ACYP1: variants seen among roughly 807,000 people sequenced by gnomAD.
ACYP1 encodes the protein acylphosphatase-1.
Under a neutral mutation model 10.4 loss-of-function variants are expected in ACYP1, and 8 were observed. The observed-to-expected ratio is 0.77, with a 90% CI of 0.45 to 1.38. ACYP1 has a LOEUF of 1.38. ACYP1 is among the 40% of genes most tolerant of loss of function. The pLI, the probability that ACYP1 is intolerant of heterozygous loss-of-function variation, is 0.00. For synonymous variants in ACYP1, 38 were observed against 40.8 expected, an observed-to-expected ratio of 0.93 and a Z score of 0.26; for missense variants, 93 against 117.3, an observed-to-expected ratio of 0.79 and a Z score of 0.96.
intron 2 of ACYP1, among the ~76,000 whole-genome samples, chr14:75,062,659 CAAAAAA>C (rs534860020): frequency 2.3e-4 from 24 of 103,386 alleles, no homozygotes; most frequent in East Asian, 3.4e-4. Context: ...ACTAAAAATA[CAAAAAA>C]AAAAAAAAAA....
intron 2 of ACYP1, among the ~76,000 whole-genome samples, chr14:75,061,506 A>T (rs1226718714): frequency 3.3e-5 from 5 of 152,236 alleles, no homozygotes; most frequent in Non-Finnish European, 4.4e-5. Context: ...GTCATTTTAT[A>T]TGCAGTTTTC....
upstream of ACYP1, among the ~76,000 whole-genome samples, chr14:75,065,621 A>G (rs1371144076): frequency 6.6e-6 from 1 of 152,228 alleles, no homozygotes; most frequent in Non-Finnish European, 1.5e-5. Flanking sequence ...GCCCTCAAAG[A>G]GTTTTTAATT....
chr14:75,069,247 G>A (rs1416211740), exon 1 of ACYP1: 3 of 1,497,504 alleles, frequency 2.0e-6, no homozygotes, highest in Non-Finnish European at 2.6e-6. Context: ...CGCGGAGAAA[G>A]GCCAGCAGCA....
chr14:75,067,706 T>A (rs1406717140), upstream of ACYP1, among the ~76,000 whole-genome samples: 1 of 152,062 alleles, frequency 6.6e-6, no homozygotes, highest in Non-Finnish European at 1.5e-5. Context: ...GTTAACAAGA[T>A]GCAGACAGGG....
intron 2 of ACYP1, among the ~76,000 whole-genome samples, chr14:75,054,635 C>T (rs1259717044): frequency 6.6e-6 from 1 of 151,216 alleles, no homozygotes; most frequent in Non-Finnish European, 1.5e-5. Flanking sequence ...TGGAGTTGGC[C>T]AAAGAAAACG....
intron 1 of ACYP1, 103 bp from the exon 2 acceptor site, chr14:75,063,664 T>C: frequency 1.1e-6 from 1 of 915,166 alleles, no homozygotes; most frequent in Non-Finnish European, 1.7e-6. Flanking sequence ...CCTTAACCAT[T>C]GCGACCTCTC....
At chr14:75,057,964 CAAAAAAA>C (rs769312151) in intron 2 of ACYP1, among the ~76,000 whole-genome samples, 1 of 38,804 alleles carries the variant, frequency 2.6e-5, no homozygotes, top group African/African-American at 1.1e-4. Context: ...GACTCTGTCT[CAAAAAAA>C]AAAAAAAAAA....
intron 2 of ACYP1, among the ~76,000 whole-genome samples, chr14:75,062,430 A>G (rs932392394): frequency 6.6e-6 from 1 of 151,850 alleles, no homozygotes; most frequent in African/African-American, 2.4e-5. Context: ...GGAAAGAGGT[A>G]TTGACAATTC....
chr14:75,053,741 C>T (rs777653127), intron 2 of ACYP1, 82 bp from the exon 3 acceptor site: 9 of 1,363,890 alleles, frequency 6.6e-6, no homozygotes, highest in Non-Finnish European at 9.3e-6. Context: ...AGAATCTTGG[C>T]CTAGAATCAA....
chr14:75,067,720 C>T (rs955320080), upstream of ACYP1, among the ~76,000 whole-genome samples: 48 of 152,138 alleles, frequency 3.2e-4, no homozygotes, highest in African/African-American at 1.0e-3. Context: ...GACAGGGTGC[C>T]GTCTCTCACG....
intron 2 of ACYP1, among the ~76,000 whole-genome samples, chr14:75,062,100 T>TGAA (rs1893032221): frequency 1.9e-4 from 1 of 5,262 alleles, no homozygotes; most frequent in African/African-American, 5.9e-4. Context: ...AAACTCTGTC[T>TGAA]CAAAAAAAAA....
At chr14:75,066,791 G>A (rs556131418), upstream of ACYP1, among the ~76,000 whole-genome samples, 1 of 152,286 alleles carries the variant, frequency 6.6e-6, no homozygotes, top group South Asian at 2.1e-4. Context: ...GGCAGAGGTT[G>A]CAGTGAGCTG....
At chr14:75,057,964 CAA>C (rs769312151) in intron 2 of ACYP1, among the ~76,000 whole-genome samples, 1 of 38,804 alleles carries the variant, frequency 2.6e-5, no homozygotes, top group Non-Finnish European at 4.2e-5. Flanking sequence ...GACTCTGTCT[CAA>C]AAAAAAAAAA....
exon 1 of ACYP1, chr14:75,069,474 T>G: frequency 2.0e-6 from 1 of 508,766 alleles, no homozygotes; most frequent in South Asian, 3.1e-5. Context: ...AGCTGCAGAG[T>G]TGGCCGGACA....
chr14:75,065,719 TC>T (rs144010513), upstream of ACYP1, among the ~76,000 whole-genome samples: 5,550 of 152,292 alleles, frequency 0.036, 124 homozygotes, highest in Middle Eastern at 0.051. Context: ...TGAGAGCTCA[TC>T]AGGAACCAGC....
intron 2 of ACYP1, chr14:75,060,354 T>C: frequency 3.5e-6 from 2 of 578,386 alleles, no homozygotes; most frequent in South Asian, 4.3e-5. Context: ...GGCAAGGATG[T>C]GGACAAACTG....
chr14:75,064,152 G>C, upstream of ACYP1: 1 of 513,044 alleles, frequency 1.9e-6, no homozygotes, highest in African/African-American at 2.1e-5. Flanking sequence ...ATTTCAGGAC[G>C]CGGTTGTCCG....
chr14:75,062,269 G>GAAA (rs748467575), intron 2 of ACYP1, among the ~76,000 whole-genome samples: 2 of 110,616 alleles, frequency 1.8e-5, no homozygotes, highest in Non-Finnish European at 3.8e-5. Flanking sequence ...TGTTAAAAGA[G>GAAA]AAAAAAAAAA....
At position 75,063,461 on chromosome 14, in the gene ACYP1, G is replaced by A. The variant is rs552757868; in HGVS notation, c.84+9C>T. ...TAGGTTACCACCCCAAAGCCTGCAGGCCACATACCTGAGTATGCTTACGGA... is the reference window on the plus strand; with the variant it reads ...TAGGTTACCACCCCAAAGCCTGCAGACCACATACCTGAGTATGCTTACGGA... On this transcript the variant is annotated intron_variant, in intron 2 of 2. Coordinates refer to ENST00000238618, the MANE Select transcript of ACYP1 (RefSeq NM_001107.5). 1.2e-6 allele frequency: 2 copies of A among 1,612,180 alleles called. No individual in the cohort carries two copies. Among genetic ancestry groups the A allele is most frequent in the East Asian group, 2.2e-5 (1 of 44,880 alleles).
Sources: gnomAD v4.1 joint callset for allele counts (sites outside exome capture counted in the v4.1 genomes callset) on GRCh38, gnomAD v4.1.1 for gene constraint, MANE v1.5 for transcripts, NCBI Gene and HGNC (gene_info 2026-07-23, HGNC 2026-07-21) for gene names.